NHERF2: variants seen among roughly 807,000 people sequenced by gnomAD.
NHERF2 encodes NHERF family PDZ scaffold protein 2, also known as Na(+)/H(+) exchange regulatory cofactor NHE-RF2.
chr16:2,027,351 C>T, the NHERF2 span: 4 of 418,908 alleles, frequency 9.5e-6, no homozygotes, highest in East Asian at 8.8e-5. Flanking sequence ...GGCAGCGGCC[C>T]GGCGCCTTCG....
chr16:2,028,131 C>T, the NHERF2 span, among the ~76,000 whole-genome samples: 16 of 152,210 alleles, frequency 1.1e-4, no homozygotes, highest in Non-Finnish European at 1.3e-4. Flanking sequence ...GGTCCCCTGT[C>T]CCTCACAGCA....
the NHERF2 span, among the ~76,000 whole-genome samples, chr16:2,029,942 G>C: frequency 1.3e-5 from 2 of 152,336 alleles, no homozygotes; most frequent in Admixed American, 1.3e-4. Flanking sequence ...TGGCCACTGG[G>C]GGCCACTGTT....
chr16:2,029,283 C>T, the NHERF2 span, among the ~76,000 whole-genome samples: 1 of 152,240 alleles, frequency 6.6e-6, no homozygotes, highest in Admixed American at 6.5e-5. Context: ...CCCAGCGGCC[C>T]TATCCTGCAG....
the NHERF2 span, chr16:2,036,583 G>A: frequency 4.6e-6 from 7 of 1,513,996 alleles, no homozygotes; most frequent in Non-Finnish European, 5.3e-6. Context: ...GCAGGGAGGA[G>A]GGAGACGCTG....
chr16:2,038,333 ATTTGTGTTTTTGC>A, the NHERF2 span: 1 of 491,494 alleles, frequency 2.0e-6, no homozygotes, highest in Admixed American at 2.8e-5. Context: ...ACTGAAAGGA[ATTTGTGTTTTTGC>A]TTTTTTTCCA....
At chr16:2,027,444 G>A in the NHERF2 span, among the ~76,000 whole-genome samples, 1 of 152,240 alleles carries the variant, frequency 6.6e-6, no homozygotes, top group Non-Finnish European at 1.5e-5. Context: ...GCGGCTCCTG[G>A]CCGCTGGCCT....
At chr16:2,028,455 C>T in the NHERF2 span, among the ~76,000 whole-genome samples, 1 of 152,232 alleles carries the variant, frequency 6.6e-6, no homozygotes, top group African/African-American at 2.4e-5. Flanking sequence ...TGGGGCTGGT[C>T]TCTGAGGACT....
chr16:2,026,937 C>G, the NHERF2 span: 16 of 615,100 alleles, frequency 2.6e-5, no homozygotes, highest in Non-Finnish European at 3.0e-5. Flanking sequence ...CGCCGGGTGC[C>G]CAGCGCCGCC....
At chr16:2,033,507 A>G in the NHERF2 span, 2 of 1,420,130 alleles carry the variant, frequency 1.4e-6, no homozygotes, top group Non-Finnish European at 1.9e-6. Flanking sequence ...GAAGGAGGGG[A>G]CTCCGGGACC....
the NHERF2 span, among the ~76,000 whole-genome samples, chr16:2,031,329 T>C: frequency 6.6e-6 from 1 of 152,158 alleles, no homozygotes; most frequent in South Asian, 2.1e-4. Context: ...TGGCTGGTCC[T>C]AAGCCCCTGT....
At chr16:2,027,241 G>T in the NHERF2 span, 1 of 1,254,282 alleles carries the variant, frequency 8.0e-7, no homozygotes, top group African/African-American at 1.6e-5. Flanking sequence ...GCTCGCCCCC[G>T]GCCCGCCGCC....
the NHERF2 span, chr16:2,033,332 G>T: frequency 1.3e-6 from 2 of 1,533,124 alleles, no homozygotes; most frequent in East Asian, 4.9e-5. Flanking sequence ...CCTGCCACTT[G>T]CTGTCACTGT....
At chr16:2,038,027 C>G in the NHERF2 span, 1 of 1,605,940 alleles carries the variant, frequency 6.2e-7, no homozygotes. Context: ...CCCTCCCGCA[C>G]GGACCTTGGG....
chr16:2,033,337 C>A, the NHERF2 span: 1 of 1,533,140 alleles, frequency 6.5e-7, no homozygotes, highest in South Asian at 1.2e-5. Flanking sequence ...CACTTGCTGT[C>A]ACTGTGCCGC....
the NHERF2 span, among the ~76,000 whole-genome samples, chr16:2,028,804 C>G: frequency 6.6e-6 from 1 of 152,200 alleles, no homozygotes; most frequent in African/African-American, 2.4e-5. Context: ...GTGGGCACTG[C>G]TTTCTCTCCG....
the NHERF2 span, chr16:2,038,428 T>G: frequency 8.3e-6 from 1 of 120,758 alleles, no homozygotes; most frequent in Non-Finnish European, 1.5e-5. Context: ...CCCCTTCCCC[T>G]CCCCCTTGGG....
the NHERF2 span, among the ~76,000 whole-genome samples, chr16:2,031,193 C>T: frequency 6.6e-6 from 1 of 152,178 alleles, no homozygotes; most frequent in Non-Finnish European, 1.5e-5. Context: ...CCAGCCTGGG[C>T]GCAGGCCTGC....
chr16:2,036,561 C>A, the NHERF2 span: 1 of 1,532,754 alleles, frequency 6.5e-7, no homozygotes. Context: ...CACACTGGGG[C>A]CCTGGGTCCT....
the NHERF2 span, chr16:2,029,577 C>T: frequency 6.4e-7 from 1 of 1,564,874 alleles, no homozygotes; most frequent in Non-Finnish European, 8.7e-7. Flanking sequence ...GCCCATTCGC[C>T]CCAGGTGGTG....
Sources: allele counts gnomAD v4.1 joint callset (sites outside exome capture counted in the v4.1 genomes callset), GRCh38; gene constraint gnomAD v4.1.1; transcripts MANE v1.5; gene names NCBI Gene and HGNC (gene_info 2026-07-23, HGNC 2026-07-21).